Variants in MAP6 observed in about 807,000 individuals in gnomAD.
MAP6 encodes the protein microtubule-associated protein 6.
A neutral mutation model predicts 42.4 loss-of-function variants in MAP6; 26 were observed. That is an observed-to-expected ratio of 0.61 (90% CI 0.45 to 0.85). The LOEUF is 0.85. Among genes scored for constraint, MAP6 ranks in the 40% least tolerant of loss-of-function variants. The pLI, the probability that MAP6 is intolerant of heterozygous loss-of-function variation, is 0.00. For missense variants in MAP6, 966 were observed against 1,099.0 expected (o/e 0.88, Z 1.71); for synonymous variants, 418 against 443.8 (o/e 0.94, Z 0.73).
At position 75,641,035 on chromosome 11, in the gene MAP6, G is replaced by A. The variant is rs943726618; in HGVS notation, c.905+26430C>T. Among the ~76,000 whole-genome samples, 13 of 152,160 alleles carry A rather than the reference G, an allele frequency of 8.5e-5. No homozygotes were observed. In the South Asian group the frequency reaches 1.0e-3, roughly 12 times the overall value. On this transcript the variant is annotated intron_variant, in intron 1 of 3. Transcript: ENST00000304771. ...TGCTGCTATAAAGACACATGCACAC[G>A]TATGTTTATTGCAGCACTATTCACA... is the stretch of plus-strand genomic sequence containing the variant.
chr11:75,605,622 G>T (rs1182957312), intron 3 of MAP6, 186 bp downstream of exon 3: 1 of 1,393,230 alleles, frequency 7.2e-7, no homozygotes, highest in Non-Finnish European at 9.3e-7. Flanking sequence ...CTGCCACTCA[G>T]TCTGTGAAGC....
chr11:75,658,671 A>G (rs752835086), intron 1 of MAP6, among the ~76,000 whole-genome samples: 3 of 152,194 alleles, frequency 2.0e-5, no homozygotes, highest in Non-Finnish European at 4.4e-5. Flanking sequence ...CCTGTTGCTT[A>G]TAAGACAAAG....
At chr11:75,612,204 C>G (rs576458167) in intron 1 of MAP6, among the ~76,000 whole-genome samples, 12 of 152,382 alleles carry the variant, frequency 7.9e-5, no homozygotes, top group African/African-American at 2.9e-4. Context: ...ATGGTCTCCC[C>G]TTCCTGTGCA....
intron 3 of MAP6, among the ~76,000 whole-genome samples, chr11:75,601,033 G>A (rs181297335): frequency 4.5e-4 from 69 of 152,342 alleles, no homozygotes; most frequent in Non-Finnish European, 8.4e-4. Context: ...TTTGCCTCCT[G>A]GGGCTCTGGG....
Position 75,622,399 on chromosome 11 carries a change from T to C in MAP6, c.906-14077A>G, listed in dbSNP as rs181750978. Among the ~76,000 whole-genome samples the C allele has an allele frequency of 3.3e-5, 5 of 152,278 alleles. No homozygotes were observed. In the East Asian group the frequency reaches 9.6e-4, roughly 29 times the overall value. On this transcript the variant is annotated intron_variant, in intron 1 of 3. Transcript: ENST00000304771. ...TTCTGAGATTACATGTATGAGCCAC[T>C]GCACTCAGCCAGTAATAAATGTAAA...
At chr11:75,601,702 G>A (rs935769264) in intron 3 of MAP6, among the ~76,000 whole-genome samples, 2 of 151,920 alleles carry the variant, frequency 1.3e-5, no homozygotes, top group African/African-American at 4.8e-5. Context: ...ATCCCAGTTA[G>A]CAACCGCCCA....
In MAP6 at chr11:75,667,603, T is replaced by C. The variant is rs770634476; in HGVS notation, c.767A>G (p.His256Arg). 1 of 1,346,092 alleles carries C rather than the reference T, an allele frequency of 7.4e-7. No individual in the cohort carries two copies. Among genetic ancestry groups the C allele is most frequent in the South Asian group, 1.9e-5 (1 of 53,128 alleles). 83.4% of individuals were successfully genotyped at this position (1,346,092 alleles called of 1,614,324 possible). A position where few individuals can be genotyped will look rare whatever the true frequency, so the allele number is the denominator to read the frequency against. ...WIVRRAEGLG[H>R]EQTPLPAAQA... ...GGCCGCGGGCAGCGGCGTCTGCTCG[T>C]GCCCCAGGCCCTCGGCGCGGCGCAC... Residue 256 changes from histidine (H) to arginine (R), a missense_variant, in exon 1 of 4, where the codon CAC becomes CGC. Physicochemically the swap from His to Arg is conservative, Grantham distance 29. This residue lies in a region of MAP6 where 943 missense variants were observed against 1,049.9 expected (regional missense o/e 0.90). Transcript: ENST00000304771. This position sits in a 1 kb window ranked among gnomAD's most constrained non-coding sequence, Gnocchi z 5.6.
chr11:75,663,837 G>A (rs1262136036), intron 1 of MAP6, among the ~76,000 whole-genome samples: 2 of 152,208 alleles, frequency 1.3e-5, no homozygotes, highest in Non-Finnish European at 2.9e-5. Context: ...ATACAAGGCT[G>A]GAGGGCAGAC....
intron 1 of MAP6, among the ~76,000 whole-genome samples, chr11:75,613,169 A>G (rs1942934028): frequency 3.9e-5 from 6 of 152,148 alleles, no homozygotes; most frequent in Admixed American, 3.3e-4. Flanking sequence ...TAAAGGCTTG[A>G]CATTCAGTGG....
chr11:75,596,349 T>G (rs1942578408), intron 3 of MAP6: 2 of 152,406 alleles, frequency 1.3e-5, no homozygotes, highest in South Asian at 4.1e-4. Flanking sequence ...GATTCCAAAT[T>G]TGTCTGTAGA....
chr11:75,660,650 C>T (rs1943828234), intron 1 of MAP6, among the ~76,000 whole-genome samples: 1 of 152,180 alleles, frequency 6.6e-6, no homozygotes, highest in Non-Finnish European at 1.5e-5. Context: ...TCAATAGCCT[C>T]CTTATTGGCC....
At chr11:75,588,511 T>C (rs899936714) in intron 3 of MAP6, among the ~76,000 whole-genome samples, 6 of 152,130 alleles carry the variant, frequency 3.9e-5, no homozygotes, top group Non-Finnish European at 7.4e-5. Flanking sequence ...CAGCAGCCCG[T>C]CCACCCCACA....
chr11:75,661,125 G>GA (rs1421444269), intron 1 of MAP6, among the ~76,000 whole-genome samples: 2 of 151,680 alleles, frequency 1.3e-5, no homozygotes, highest in Non-Finnish European at 2.9e-5. Flanking sequence ...CATTTTTCCA[G>GA]AAAAAAATAA....
intron 3 of MAP6, among the ~76,000 whole-genome samples, chr11:75,588,601 C>T (rs1942414877): frequency 6.6e-6 from 1 of 152,090 alleles, no homozygotes; most frequent in Non-Finnish European, 1.5e-5. Flanking sequence ...CACCAGATGC[C>T]CCCACAGGCC....
chr11:75,597,575 A>G (rs1942603196), intron 3 of MAP6, among the ~76,000 whole-genome samples: 1 of 152,226 alleles, frequency 6.6e-6, no homozygotes, highest in Admixed American at 6.5e-5. Context: ...GGACTAAGGC[A>G]GCGCTCAATT....
intron 1 of MAP6, among the ~76,000 whole-genome samples, chr11:75,647,902 C>T (rs943312825): frequency 2.0e-5 from 3 of 151,992 alleles, no homozygotes; most frequent in African/African-American, 4.8e-5. Flanking sequence ...AAAATCAAAG[C>T]GTATTACAAA....
At chr11:75,603,237 C>T (rs183963440) in intron 3 of MAP6, 23 of 985,412 alleles carry the variant, frequency 2.3e-5, no homozygotes, top group Non-Finnish European at 2.8e-5. Context: ...CCAGCTCCCT[C>T]GCCAGGGAAG....
intron 1 of MAP6, among the ~76,000 whole-genome samples, chr11:75,624,754 C>T (rs598847): frequency 0.28 from 42,182 of 152,070 alleles, 6,148 homozygotes; most frequent in Admixed American, 0.32. Context: ...CATGTTCTTT[C>T]GAAAGGCATG....
chr11:75,652,056 T>A (rs140482062), intron 1 of MAP6, among the ~76,000 whole-genome samples: 4,835 of 152,336 alleles, frequency 0.032, 91 homozygotes, highest in Non-Finnish European at 0.042. Flanking sequence ...CCCAAAAAAA[T>A]TATTCTCATT....
Sources: gnomAD v4.1 joint callset for allele counts (sites outside exome capture counted in the v4.1 genomes callset) on GRCh38, gnomAD v4.1.1 for gene constraint, gnomAD v4.1.1 regional missense constraint, Gnocchi (gnomAD v3.1) non-coding constraint, MANE v1.5 for transcripts, NCBI Gene and HGNC (gene_info 2026-07-23, HGNC 2026-07-21) for gene names.